The following TOX2 variants were observed in gnomAD, a reference collection of about 807,000 sequenced individuals.
The protein encoded by TOX2 is granulosa cell HMG box 1.
Under a neutral mutation model 47.4 loss-of-function variants are expected in TOX2, and 15 were observed. That is an observed-to-expected ratio of 0.32 (90% CI 0.21 to 0.49). TOX2 has a LOEUF of 0.49. TOX2 is among the 20% of genes least tolerant of loss of function. TOX2 has a pLI of 0.99. For missense variants in TOX2, 622 were observed against 673.1 expected, an observed-to-expected ratio of 0.92 and a Z score of 0.84; for synonymous variants, 290 against 296.6, an observed-to-expected ratio of 0.98 and a Z score of 0.23.
At chr20:44,064,711 A>C (rs1003245541) in intron 5 of TOX2, 66 bp from the exon 6 acceptor site, 18 of 1,495,054 alleles carry the variant, frequency 1.2e-5, no homozygotes, top group Admixed American at 5.1e-5. Context: ...TTCCCACCCC[A>C]GGACCCTGCA....
At chr20:43,932,778 C>G (rs572964982) in intron 1 of TOX2, among the ~76,000 whole-genome samples, 3 of 139,588 alleles carry the variant, frequency 2.1e-5, no homozygotes, top group South Asian at 2.2e-4. Flanking sequence ...GTTGCTGCCC[C>G]CCCCCGCCAT....
At chr20:43,926,452 C>T (rs947573070) in intron 1 of TOX2, among the ~76,000 whole-genome samples, 9 of 152,176 alleles carry the variant, frequency 5.9e-5, no homozygotes, top group African/African-American at 2.2e-4. Context: ...TCGTGGTTTC[C>T]TCACATAATC....
At chr20:44,005,847 A>T (rs566013340) in intron 2 of TOX2, among the ~76,000 whole-genome samples, 45 of 152,210 alleles carry the variant, frequency 3.0e-4, no homozygotes, top group Admixed American at 9.8e-4. Context: ...TGAAATATTG[A>T]GCTCTTTAAG....
intron 3 of TOX2, among the ~76,000 whole-genome samples, chr20:44,033,130 A>G (rs949058486): frequency 6.6e-6 from 1 of 152,150 alleles, no homozygotes; most frequent in African/African-American, 2.4e-5. Flanking sequence ...CGTGCAAAGG[A>G]TCTCCCACCA....
Position 43,989,497 on chromosome 20 carries a change from G to A in TOX2, c.165+16065G>A, listed in dbSNP as rs113608098. 7.5e-3 allele frequency among the ~76,000 whole-genome samples: 1,136 copies of A among 152,044 alleles called. 11 individuals are homozygous for A. Among genetic ancestry groups the A allele is most frequent in the African/African-American group, 0.026 (1,066 of 41,490 alleles). ...TTAATTTTAAAAACAGCATATATTA[G>A]GGCTAGGCACAGTGGCTCATGCCTG... On this transcript the variant is annotated intron_variant, in intron 2 of 8. Transcript: ENST00000341197.
chr20:43,988,086 AT>A (rs1374503477), intron 2 of TOX2, among the ~76,000 whole-genome samples: 2 of 151,596 alleles, frequency 1.3e-5, no homozygotes, highest in Non-Finnish European at 2.9e-5. Flanking sequence ...CACCCAGCTA[AT>A]TTTTGTATTT....
chr20:44,057,761 C>G (rs2071647357), intron 5 of TOX2, among the ~76,000 whole-genome samples: 1 of 152,198 alleles, frequency 6.6e-6, no homozygotes, highest in South Asian at 2.1e-4. Flanking sequence ...GGTCCATGAA[C>G]TGTGCTGGGC....
intron 2 of TOX2, among the ~76,000 whole-genome samples, chr20:43,974,856 G>A (rs1489780387): frequency 2.6e-5 from 4 of 152,320 alleles, no homozygotes; most frequent in African/African-American, 7.2e-5. Context: ...CGCTCATGCC[G>A]GGGCCACCAT....
intron 3 of TOX2, among the ~76,000 whole-genome samples, chr20:44,033,165 G>A (rs918006851): frequency 1.1e-4 from 16 of 152,206 alleles, no homozygotes; most frequent in Non-Finnish European, 1.8e-4. Context: ...TTAGCAATAC[G>A]TACTGACGAG....
intron 2 of TOX2, among the ~76,000 whole-genome samples, chr20:44,003,183 C>CT (rs376872679): frequency 0.013 from 1,785 of 133,126 alleles, 16 homozygotes; most frequent in African/African-American, 0.02. Flanking sequence ...GTACATTCAA[C>CT]TTTTTTTTTT....
intron 1 of TOX2, among the ~76,000 whole-genome samples, chr20:43,952,895 A>G (rs1362933760): frequency 6.6e-6 from 1 of 152,062 alleles, no homozygotes; most frequent in East Asian, 1.9e-4. Flanking sequence ...TTTAAATGGC[A>G]AAAGGGGCTC....
At chr20:43,935,027 C>A (rs1480980448) in intron 1 of TOX2, among the ~76,000 whole-genome samples, 1 of 152,108 alleles carries the variant, frequency 6.6e-6, no homozygotes, top group African/African-American at 2.4e-5. Context: ...GGGTGTCTGG[C>A]CACTGTGGTG....
chr20:44,003,436 G>A (rs1183556217), intron 2 of TOX2, among the ~76,000 whole-genome samples: 5 of 152,016 alleles, frequency 3.3e-5, no homozygotes, highest in Non-Finnish European at 4.4e-5. Context: ...CGATCCTCCC[G>A]TCTTGGCCTC....
At chr20:44,004,529 A>G (rs1364005388) in intron 2 of TOX2, among the ~76,000 whole-genome samples, 1 of 152,190 alleles carries the variant, frequency 6.6e-6, no homozygotes, top group Admixed American at 6.5e-5. Context: ...GCAAGGGGCC[A>G]TGTGGGCTCT....
intron 1 of TOX2, among the ~76,000 whole-genome samples, chr20:43,926,068 T>A (rs2069163374): frequency 6.6e-6 from 1 of 152,204 alleles, no homozygotes; most frequent in Admixed American, 6.5e-5. Context: ...TTTGCAGGAA[T>A]GATTTAGAAA....
At chr20:43,940,189 C>T (rs4812767) in intron 1 of TOX2, among the ~76,000 whole-genome samples, 19,469 of 150,848 alleles carry the variant, frequency 0.13, 1,475 homozygotes, top group East Asian at 0.26. Flanking sequence ...ACAGTGGGGC[C>T]GTGGAAGGAT....
chr20:44,021,867 C>T (rs968882546), intron 3 of TOX2, among the ~76,000 whole-genome samples: 1 of 151,886 alleles, frequency 6.6e-6, no homozygotes, highest in African/African-American at 2.4e-5. Context: ...TACTCCTGGC[C>T]TCAAGTGATC....
intron 1 of TOX2, among the ~76,000 whole-genome samples, chr20:43,919,606 G>C (rs6031226): frequency 0.41 from 62,557 of 151,984 alleles, 13,107 homozygotes; most frequent in East Asian, 0.47. Context: ...CTACACCTAT[G>C]AACCCATCAC....
At chr20:44,063,088 A>G (rs1335746485) in intron 5 of TOX2, among the ~76,000 whole-genome samples, 1 of 152,234 alleles carries the variant, frequency 6.6e-6, no homozygotes, top group Non-Finnish European at 1.5e-5. Flanking sequence ...TTAGGCAAAG[A>G]CTTCATGACC....
Sources: gnomAD v4.1 joint callset for allele counts (sites outside exome capture counted in the v4.1 genomes callset) on GRCh38, gnomAD v4.1.1 for gene constraint, MANE v1.5 for transcripts, NCBI Gene and HGNC (gene_info 2026-07-23, HGNC 2026-07-21) for gene names.